CNTN5: variants seen among roughly 807,000 people sequenced by gnomAD.
CNTN5 encodes the protein contactin-5.
CNTN5 carries 77 observed loss-of-function variants against 129.1 expected under a neutral mutation model. The observed-to-expected ratio is 0.60, with a 90% CI of 0.50 to 0.72. CNTN5 has a LOEUF of 0.72. Ranked by LOEUF, CNTN5 falls within the 30% of genes least tolerant of loss-of-function variation. The pLI, the probability that CNTN5 is intolerant of heterozygous loss-of-function variation, is 0.00. For missense variants in CNTN5, 1,478 were observed against 1,328.8 expected, an observed-to-expected ratio of 1.11 and a Z score of -1.75; for synonymous variants, 509 against 465.6, an observed-to-expected ratio of 1.09 and a Z score of -1.20.
At chr11:99,693,256 CAG>C (rs1178533942) in intron 3 of CNTN5, among the ~76,000 whole-genome samples, 1 of 152,008 alleles carries the variant, frequency 6.6e-6, no homozygotes, top group African/African-American at 2.4e-5. Flanking sequence ...TTTTTGGCAT[CAG>C]AGAGGAAATA....
At chr11:99,869,068 C>T (rs1038094996) in intron 6 of CNTN5, among the ~76,000 whole-genome samples, 2 of 152,134 alleles carry the variant, frequency 1.3e-5, no homozygotes, top group Admixed American at 6.6e-5. Flanking sequence ...TATTTATCAA[C>T]GTCTCAAAAC....
intron 13 of CNTN5, among the ~76,000 whole-genome samples, chr11:100,160,899 C>T (rs527404954): frequency 6.6e-5 from 10 of 151,876 alleles, no homozygotes; most frequent in Admixed American, 3.9e-4. Flanking sequence ...AGTTAAGAGA[C>T]TTAAGTTGTA....
At chr11:100,263,486 TC>T (rs1165890422) in intron 17 of CNTN5, among the ~76,000 whole-genome samples, 8 of 152,260 alleles carry the variant, frequency 5.3e-5, no homozygotes, top group African/African-American at 1.9e-4. Context: ...TTGTTAGACC[TC>T]AGTTTGATCA....
chr11:99,949,315 G>A (rs1387811330), intron 7 of CNTN5, among the ~76,000 whole-genome samples: 1 of 152,062 alleles, frequency 6.6e-6, no homozygotes, highest in East Asian at 1.9e-4. Context: ...AAAGTTGAAC[G>A]GAGTCCATGG....
At chr11:99,631,626 TGTCA>T (rs1951354176) in intron 3 of CNTN5, among the ~76,000 whole-genome samples, 1 of 151,544 alleles carries the variant, frequency 6.6e-6, no homozygotes, top group South Asian at 2.1e-4. Flanking sequence ...AGTAATATCA[TGTCA>T]GTCATTTCAA....
At chr11:100,056,128 A>T (rs1312578126) in intron 9 of CNTN5, among the ~76,000 whole-genome samples, 2 of 151,590 alleles carry the variant, frequency 1.3e-5, no homozygotes, top group African/African-American at 2.4e-5. Context: ...TGTCTATTTT[A>T]TTTTTAATCT....
At chr11:99,242,610 A>C (rs1861618403) in intron 1 of CNTN5, among the ~76,000 whole-genome samples, 2 of 152,066 alleles carry the variant, frequency 1.3e-5, no homozygotes, top group South Asian at 4.1e-4. Context: ...AGTACACGAT[A>C]GTTTTTCAGT....
intron 3 of CNTN5, among the ~76,000 whole-genome samples, chr11:99,722,843 C>T (rs966740859): frequency 2.6e-5 from 4 of 151,880 alleles, no homozygotes; most frequent in African/African-American, 4.8e-5. Flanking sequence ...GGCCTCCACT[C>T]CCAACCCCAT....
At chr11:100,259,735 C>T (rs1950157590) in intron 17 of CNTN5, among the ~76,000 whole-genome samples, 2 of 152,124 alleles carry the variant, frequency 1.3e-5, no homozygotes, top group Non-Finnish European at 2.9e-5. Flanking sequence ...TAAATAAGTT[C>T]TTTGAAATCA....
At chr11:99,118,001 T>G (rs541205189) in intron 1 of CNTN5, among the ~76,000 whole-genome samples, 1 of 152,292 alleles carries the variant, frequency 6.6e-6, no homozygotes, top group South Asian at 2.1e-4. Flanking sequence ...GAAGAGTAAT[T>G]TCCAATGAGG....
At chr11:99,639,373 C>T (rs1414326820) in intron 3 of CNTN5, among the ~76,000 whole-genome samples, 1 of 152,148 alleles carries the variant, frequency 6.6e-6, no homozygotes. Flanking sequence ...GATATTTTCC[C>T]CATAGTCTTG....
intron 6 of CNTN5, among the ~76,000 whole-genome samples, chr11:99,878,571 AT>A (rs1428396489): frequency 1.3e-5 from 2 of 152,224 alleles, no homozygotes; most frequent in Admixed American, 6.5e-5. Context: ...GGTTTTGATT[AT>A]TTAAGATGAT....
intron 1 of CNTN5, among the ~76,000 whole-genome samples, chr11:99,284,809 T>G (rs1417662060): frequency 1.3e-5 from 2 of 152,072 alleles, no homozygotes; most frequent in African/African-American, 2.4e-5. Flanking sequence ...TTTATTTTAC[T>G]TTGAACCCAT....
chr11:99,840,650 A>C (rs1465802206), intron 4 of CNTN5, among the ~76,000 whole-genome samples: 1 of 152,140 alleles, frequency 6.6e-6, no homozygotes, highest in East Asian at 1.9e-4. Context: ...AAAACACAGA[A>C]AACCATTGCT....
At chr11:99,082,652 C>T (rs1367890296) in intron 1 of CNTN5, among the ~76,000 whole-genome samples, 2 of 152,148 alleles carry the variant, frequency 1.3e-5, no homozygotes, top group Admixed American at 1.3e-4. Context: ...GTTTGCTGAT[C>T]TCTTTTATCT....
chr11:100,011,491 C>G (rs1444784008), intron 9 of CNTN5, among the ~76,000 whole-genome samples: 1 of 152,064 alleles, frequency 6.6e-6, no homozygotes, highest in African/African-American at 2.4e-5. Flanking sequence ...GCTCTTGCAG[C>G]CATTAACACA....
chr11:100,274,133 A>G (rs533919909), intron 18 of CNTN5, among the ~76,000 whole-genome samples: 4 of 152,340 alleles, frequency 2.6e-5, no homozygotes, highest in East Asian at 1.9e-4. Context: ...AGGATACCCT[A>G]TTCAATAAAT....
At chr11:100,114,843 T>C (rs377642929) in intron 13 of CNTN5, among the ~76,000 whole-genome samples, 18 of 152,234 alleles carry the variant, frequency 1.2e-4, no homozygotes, top group African/African-American at 4.3e-4. Flanking sequence ...TAGTGCTTTA[T>C]AAATTAATTC....
chr11:99,512,765 T>G (rs1488455475), intron 2 of CNTN5, among the ~76,000 whole-genome samples: 2 of 152,112 alleles, frequency 1.3e-5, no homozygotes, highest in Non-Finnish European at 2.9e-5. Context: ...TGAACATAAC[T>G]GATGTGTTCT....
Sources: allele counts gnomAD v4.1 joint callset (sites outside exome capture counted in the v4.1 genomes callset), GRCh38; gene constraint gnomAD v4.1.1; transcripts MANE v1.5; gene names NCBI Gene and HGNC (gene_info 2026-07-23, HGNC 2026-07-21).